TCF20: variants seen among roughly 807,000 people sequenced by gnomAD.
TCF20 encodes transcription factor 20.
Under a neutral mutation model 148.6 loss-of-function variants are expected in TCF20, and 3 were observed. That is an observed-to-expected ratio of 0.02 (90% CI 0.01 to 0.05). The LOEUF (loss-of-function observed/expected upper bound fraction) is 0.05. Among genes scored for constraint, TCF20 ranks in the 10% least tolerant of loss-of-function variants. The pLI is 1.00. For missense variants in TCF20, 2,350 were observed against 2,429.3 expected, an observed-to-expected ratio of 0.97 and a Z score of 0.69; for synonymous variants, 1,049 against 909.5, an observed-to-expected ratio of 1.15 and a Z score of -2.76.
At chr22:42,257,822 G>A (rs1418333078) in intron 1 of TCF20, among the ~76,000 whole-genome samples, 6 of 152,172 alleles carry the variant, frequency 3.9e-5, no homozygotes, top group Admixed American at 3.9e-4. Context: ...CTGCAGACCT[G>A]GGGGAGCCCA....
chr22:42,178,223 T>C lies in TCF20; in HGVS notation c.5749+1386A>G, dbSNP rs1936559983. ...TGTGGCTGTTCATCTGCATCCTTTA[T>C]AATGGGTAAACACAAGTGAAGTGTT... is the stretch of plus-strand genomic sequence containing the variant. On this transcript the variant is annotated intron_variant, in intron 3 of 5. Coordinates refer to ENST00000677622, the MANE Select transcript of TCF20 (RefSeq NM_001378418.1). 2.0e-5 allele frequency among the ~76,000 whole-genome samples: 3 copies of C among 152,248 alleles called. No homozygotes were observed. In the South Asian group the frequency reaches 6.2e-4, roughly 32 times the overall value.
upstream of TCF20, among the ~76,000 whole-genome samples, chr22:42,273,384 A>T: frequency 6.7e-6 from 1 of 149,830 alleles, no homozygotes; most frequent in African/African-American, 2.5e-5. Flanking sequence ...AAAAAAAAAA[A>T]AAAATTCAGT....
chr22:42,279,831 C>T lies in TCF20; in HGVS notation c.-37+3996G>A, dbSNP rs150860527. Among the ~76,000 whole-genome samples the T allele has an allele frequency of 1.2e-4, 19 of 152,322 alleles. No homozygotes were observed. The highest frequency in any genetic ancestry group is 4.6e-4 in the African/African-American group (19 of 41,558). Reference sequence around the variant, plus strand: ...AGAGTGAATGAGCCACTGGGGGCCTCCGTGGCAATCGGGCTCACAAAGCCA... The same window carrying T: ...AGAGTGAATGAGCCACTGGGGGCCTTCGTGGCAATCGGGCTCACAAAGCCA... On this transcript the variant is annotated intron_variant, in intron 1 of 5. Coordinates refer to the TCF20 transcript ENST00000359486. This position sits in a 1 kb window ranked among gnomAD's most constrained non-coding sequence, Gnocchi z 4.3.
chr22:42,211,445 T>A lies in TCF20; in HGVS notation c.3861A>T (p.Ser1287=), dbSNP rs144569461. The change falls in exon 2 of 6, where the codon TCA becomes TCT. Residue 1287 remains serine, a synonymous_variant. Transcript: ENST00000677622. ...ATGCTTTATCAGCGCCTTCTTTTGA[T>A]GAGTGAAGGAGGCGACCTTTATCTT... ...STEDKGRLLH[S]SKEGADKAFN... is the part of the protein sequence containing the mutation. 41 of 1,614,186 alleles carry A rather than the reference T, an allele frequency of 2.5e-5. No individual in the cohort carries two copies. In the African/African-American group the frequency reaches 4.7e-4, roughly 18 times the overall value.
intron 1 of TCF20, among the ~76,000 whole-genome samples, chr22:42,234,344 A>C (rs1283158236): frequency 6.6e-6 from 1 of 152,250 alleles, no homozygotes; most frequent in African/African-American, 2.4e-5. Flanking sequence ...TGTCAAATGA[A>C]GCAAAAAGCA....
At chr22:42,244,577 C>T (rs1268997173) in intron 1 of TCF20, among the ~76,000 whole-genome samples, 2 of 152,056 alleles carry the variant, frequency 1.3e-5, no homozygotes, top group African/African-American at 4.8e-5. Context: ...ATGAAATATC[C>T]AAAAGAAGTA....
upstream of TCF20, among the ~76,000 whole-genome samples, chr22:42,286,474 G>A (rs182652630): frequency 6.6e-6 from 1 of 152,308 alleles, no homozygotes; most frequent in East Asian, 1.9e-4. Context: ...GTAAAATGGG[G>A]ATAAGAATAG....
chr22:42,199,232 G>A (rs1022946069), intron 2 of TCF20, among the ~76,000 whole-genome samples: 3 of 152,098 alleles, frequency 2.0e-5, no homozygotes, highest in African/African-American at 4.8e-5. Flanking sequence ...TGGGAACCCT[G>A]ACCAGCACAG....
intron 1 of TCF20, among the ~76,000 whole-genome samples, chr22:42,302,591 T>C (rs1927356753): frequency 6.6e-6 from 1 of 152,140 alleles, no homozygotes; most frequent in African/African-American, 2.4e-5. Flanking sequence ...GCCTCTTTCA[T>C]CCCTGTCCTT....
At chr22:42,171,317 T>C (rs773579048) in intron 3 of TCF20, among the ~76,000 whole-genome samples, 3 of 152,174 alleles carry the variant, frequency 2.0e-5, no homozygotes, top group Non-Finnish European at 2.9e-5. Flanking sequence ...ACGGTACTTA[T>C]CCTTGTTAAA....
chr22:42,186,336 G>A (rs1937044786), intron 2 of TCF20, among the ~76,000 whole-genome samples: 1 of 152,172 alleles, frequency 6.6e-6, no homozygotes, highest in Non-Finnish European at 1.5e-5. Flanking sequence ...TATTTGCTTT[G>A]CCTTCTGCCT....
At chr22:42,185,376 T>C (rs1168766801) in intron 2 of TCF20, among the ~76,000 whole-genome samples, 1 of 152,182 alleles carries the variant, frequency 6.6e-6, no homozygotes, top group South Asian at 2.1e-4. Flanking sequence ...GCACTGTAAA[T>C]GTGGGCTGAT....
chr22:42,191,960 T>C (rs1937357706), intron 2 of TCF20, among the ~76,000 whole-genome samples: 3 of 152,176 alleles, frequency 2.0e-5, no homozygotes, highest in Non-Finnish European at 2.9e-5. Flanking sequence ...AACACTGAAA[T>C]TGAAGTTGCA....
chr22:42,301,262 C>T (rs1312685711), intron 1 of TCF20, among the ~76,000 whole-genome samples: 1 of 152,000 alleles, frequency 6.6e-6, no homozygotes, highest in Non-Finnish European at 1.5e-5. Context: ...CAGGACAAGG[C>T]GAGGATGGAG....
At chr22:42,257,216 G>A (rs1217150041) in intron 1 of TCF20, among the ~76,000 whole-genome samples, 1 of 152,076 alleles carries the variant, frequency 6.6e-6, no homozygotes, top group Non-Finnish European at 1.5e-5. Flanking sequence ...CAGGGCAGGC[G>A]GTTCTCTGGG....
intron 1 of TCF20, among the ~76,000 whole-genome samples, chr22:42,298,207 G>A (rs778204083): frequency 3.0e-4 from 46 of 152,318 alleles, no homozygotes; most frequent in Non-Finnish European, 4.7e-4. Flanking sequence ...CAGAGCCAAG[G>A]CTCAGCTTCC....
chr22:42,208,983 A>G (rs1232708024), intron 2 of TCF20, among the ~76,000 whole-genome samples: 1 of 152,198 alleles, frequency 6.6e-6, no homozygotes, highest in African/African-American at 2.4e-5. Flanking sequence ...AAAACAGAAC[A>G]TGCATCAAGG....
chr22:42,211,114 C>T lies in TCF20; in HGVS notation c.4192G>A (p.Val1398Ile). Residue 1398 changes from valine to isoleucine, a missense_variant, in exon 2 of 6, where the codon GTT becomes ATT. Around this residue, in one of 7 missense-constraint regions of TCF20, gnomAD observed 231 missense variants for 213.7 expected, o/e 1.08. Coordinates refer to ENST00000677622, the MANE Select transcript of TCF20 (RefSeq NM_001378418.1). Reference sequence around the variant, plus strand: ...TCTATGTCAGCATCCTGAACAGCAACACTCCCACCTTCAGGAGGACCACTC... The same window carrying T: ...TCTATGTCAGCATCCTGAACAGCAATACTCCCACCTTCAGGAGGACCACTC... ...LKSGPPEGGS[V>I]AVQDADIEKR... 1 of 1,614,220 alleles carries T rather than the reference C, an allele frequency of 6.2e-7. No individual in the cohort carries two copies. The highest frequency in any genetic ancestry group is 1.1e-5 in the South Asian group (1 of 91,086).
intron 1 of TCF20, among the ~76,000 whole-genome samples, chr22:42,265,176 T>C (rs761198002): frequency 5.3e-5 from 8 of 152,180 alleles, no homozygotes; most frequent in Non-Finnish European, 8.8e-5. Flanking sequence ...ATGAGAACCT[T>C]TTCACCCATA....
Sources: gnomAD v4.1 joint callset for allele counts (sites outside exome capture counted in the v4.1 genomes callset) on GRCh38, gnomAD v4.1.1 for gene constraint, gnomAD v4.1.1 regional missense constraint, Gnocchi (gnomAD v3.1) non-coding constraint, MANE v1.5 for transcripts, NCBI Gene and HGNC (gene_info 2026-07-23, HGNC 2026-07-21) for gene names.